AKIP1: variants seen among roughly 807,000 people sequenced by gnomAD.
AKIP1 encodes A-kinase-interacting protein 1.
Under a neutral mutation model 22.3 loss-of-function variants are expected in AKIP1, and 18 were observed. That is an observed-to-expected ratio of 0.81 (90% CI 0.56 to 1.19). The LOEUF (loss-of-function observed/expected upper bound fraction) is 1.19. Ranked by LOEUF, AKIP1 falls within the 50% of genes most tolerant of loss-of-function variation. The pLI is 0.00. For synonymous variants in AKIP1, 120 were observed against 102.7 expected, an observed-to-expected ratio of 1.17 and a Z score of -1.02; for missense variants, 287 against 264.6, an observed-to-expected ratio of 1.08 and a Z score of -0.59.
At chr11:8,918,050 T>C (rs887264889) in intron 5 of AKIP1, 5 of 152,240 alleles carry the variant, frequency 3.3e-5, no homozygotes, top group Admixed American at 2.0e-4. Context: ...CTGCTTCTAG[T>C]ACAAATATAA....
At chr11:8,914,101 T>C (rs1345630963) in intron 3 of AKIP1, among the ~76,000 whole-genome samples, 2 of 152,232 alleles carry the variant, frequency 1.3e-5, no homozygotes, top group Admixed American at 1.3e-4. Context: ...GTCTGTGTCC[T>C]CAAGTGCTTT....
rs1363962281 is a variant in AKIP1, at chr11:8,919,390, T to C, written c.543T>C (p.Ser181=). The change falls in exon 6 of 6, where the codon TCT becomes TCC. Residue 181 remains serine (S), a synonymous_variant. Coordinates refer to ENST00000309377, the MANE Select transcript of AKIP1 (RefSeq NM_020642.4). ...LYIEVYPGTY[S]VTVGSNDLTK... Reference sequence around the variant, plus strand: ...TAGAAGTATATCCAGGGACCTATTCTGTCACTGTGGGCTCAAATGACTTAA... The same window carrying C: ...TAGAAGTATATCCAGGGACCTATTCCGTCACTGTGGGCTCAAATGACTTAA... The C allele has an allele frequency of 6.2e-7, 1 of 1,613,970 alleles. No homozygotes were observed. The highest frequency in any genetic ancestry group is 1.1e-5 in the South Asian group (1 of 91,076).
In AKIP1 at chr11:8,914,760, T is replaced by C. The variant is rs144965150; in HGVS notation, c.304-66T>C. On this transcript the variant is annotated intron_variant, in intron 3 of 5. Coordinates refer to ENST00000309377, the MANE Select transcript of AKIP1 (RefSeq NM_020642.4). ...TCCTTAACTGCACTTTGCCCAAATA[T>C]CAGGGTTTTTTGAAAATTTGACAAG... 896 of 1,288,768 alleles carry C rather than the reference T, an allele frequency of 7.0e-4. 4 individuals carry two copies. The African/African-American group carries it at 0.011, about 16-fold the overall frequency. 79.8% of individuals were successfully genotyped at this position (1,288,768 alleles called of 1,614,324 possible).
intron 5 of AKIP1, among the ~76,000 whole-genome samples, chr11:8,918,292 G>A (rs747177809): frequency 3.3e-5 from 5 of 152,150 alleles, no homozygotes; most frequent in Admixed American, 6.5e-5. Context: ...ACACATTTAC[G>A]TCAGTTAAAG....
At chr11:8,912,868 TAAC>T (rs1170068076) in intron 3 of AKIP1, among the ~76,000 whole-genome samples, 1 of 115,344 alleles carries the variant, frequency 8.7e-6, no homozygotes, top group Non-Finnish European at 1.8e-5. Flanking sequence ...GGGTTTTTTT[TAAC>T]TTTTTTTTTT....
At position 8,912,122 on chromosome 11, in the gene AKIP1, G is replaced by A. The variant is rs2064378203; in HGVS notation, c.223-331G>A. On this transcript the variant is annotated intron_variant, in intron 2 of 5. Transcript: ENST00000309377. ...TGAGGCAGGAGAATCGCTTGAACCC[G>A]GGAGGCGGAGGTCGCGGTGAGCCGA... Among the ~76,000 whole-genome samples the A allele has an allele frequency of 2.0e-5, 3 of 150,360 alleles. No homozygotes were observed. In the South Asian group the frequency reaches 6.3e-4, roughly 32 times the overall value.
At chr11:8,918,638 C>T (rs2064524960) in intron 5 of AKIP1, among the ~76,000 whole-genome samples, 1 of 152,174 alleles carries the variant, frequency 6.6e-6, no homozygotes, top group Non-Finnish European at 1.5e-5. Flanking sequence ...TGAACTGAGA[C>T]CCATCCTCTG....
chr11:8,916,283 A>G (rs2064484871), intron 4 of AKIP1, among the ~76,000 whole-genome samples: 1 of 152,184 alleles, frequency 6.6e-6, no homozygotes, highest in African/African-American at 2.4e-5. Flanking sequence ...TTAAAAAGAA[A>G]GTACAAGGGA....
chr11:8,919,556 C>A lies in AKIP1; in HGVS notation c.*76C>A. On this transcript the variant is annotated 3_prime_UTR_variant, in exon 6 of 6. Transcript: ENST00000309377. ...AGCCACTGTATGATTCTCTTAATAG[C>A]TATACATTAATCCTGTTTTTAGTGC... 1 of 1,494,814 alleles carries A rather than the reference C, an allele frequency of 6.7e-7. No homozygotes were observed. The highest frequency in any genetic ancestry group is 9.1e-7 in the Non-Finnish European group (1 of 1,094,278). The allele number at this position is 1,494,814 out of a possible 1,614,324, so 92.6% of individuals were successfully genotyped here. A position where few individuals can be genotyped will look rare whatever the true frequency, so the allele number is the denominator to read the frequency against.
intron 5 of AKIP1, chr11:8,918,211 T>C (rs1382698527): frequency 6.6e-6 from 1 of 152,240 alleles, no homozygotes; most frequent in Admixed American, 6.5e-5. Flanking sequence ...AATTCTGATA[T>C]AACCATATTT....
chr11:8,912,060 G>A (rs898405293), intron 2 of AKIP1, among the ~76,000 whole-genome samples: 5 of 151,672 alleles, frequency 3.3e-5, no homozygotes, highest in African/African-American at 1.2e-4. Flanking sequence ...AGCCGGGCGT[G>A]GTGGCGCATG....
At chr11:8,913,979 C>A (rs1402353479) in intron 3 of AKIP1, among the ~76,000 whole-genome samples, 1 of 152,172 alleles carries the variant, frequency 6.6e-6, no homozygotes. Flanking sequence ...CAGTTCAAGT[C>A]TCTGTTATGA....
At position 8,911,482 on chromosome 11, in the gene AKIP1, TG is replaced by T. The variant is rs2064343860; in HGVS notation, c.37del (p.Val13TrpfsTer14). 4 of 1,605,580 alleles carry T rather than the reference TG, an allele frequency of 2.5e-6. No homozygotes were observed. Among genetic ancestry groups the T allele is most frequent in the East Asian group, 2.2e-5 (1 of 44,656 alleles). ...ACTGTTTGGCGGCCGCAGCGCTGAA[TG>T]GGGTGGACCGACGTTCCCTGCAGCG... ...DNCLAAAALN[G>X]VDRRSLQRSA... is the part of the protein sequence containing the mutation. On this transcript the variant is annotated frameshift_variant, in exon 2 of 6. Transcript: ENST00000309377. LOFTEE classifies it high-confidence loss of function.
At chr11:8,917,523 G>T (rs1443768402) in intron 5 of AKIP1, 156 bp downstream of exon 5, 4 of 655,464 alleles carry the variant, frequency 6.1e-6, no homozygotes, top group Non-Finnish European at 1.1e-5. Flanking sequence ...TTTTGGTTCA[G>T]TGTAAAATTA....
At chr11:8,912,835 A>T (rs1247471746) in intron 3 of AKIP1, among the ~76,000 whole-genome samples, 11 of 151,118 alleles carry the variant, frequency 7.3e-5, no homozygotes, top group Non-Finnish European at 1.3e-4. Context: ...GCCGAATTTC[A>T]TAGCAAATAA....
chr11:8,915,004 G>C, intron 4 of AKIP1, 74 bp downstream of exon 4: 2 of 1,184,012 alleles, frequency 1.7e-6, no homozygotes. Context: ...AAGAGCCCCT[G>C]CTAGACTTTG....
At position 8,911,460 on chromosome 11, in the gene AKIP1, GTT is replaced by G. The variant is rs1411653322; in HGVS notation, c.13_14del (p.Leu5GlyfsTer78). 2 of 1,597,390 alleles carry G rather than the reference GTT, an allele frequency of 1.3e-6. No individual in the cohort carries two copies. Among genetic ancestry groups the G allele is most frequent in the South Asian group, 2.3e-5 (2 of 87,948 alleles). On this transcript the variant is annotated frameshift_variant, in exon 2 of 6. Transcript: ENST00000309377. LOFTEE classifies it high-confidence loss of function. ...CCCACTCAGGGAGCCATGGACAACT[GTT>G]TGGCGGCCGCAGCGCTGAATGGGGT... is the stretch of plus-strand genomic sequence containing the variant.
chr11:8,916,122 T>G (rs1411200469), intron 4 of AKIP1, among the ~76,000 whole-genome samples: 1 of 151,918 alleles, frequency 6.6e-6, no homozygotes, highest in African/African-American at 2.4e-5. Context: ...GCCTGACCCA[T>G]TTTTGTATTT....
chr11:8,912,418 A>G, intron 2 of AKIP1, 35 bp from the exon 3 acceptor site: 2 of 1,544,398 alleles, frequency 1.3e-6, no homozygotes, highest in South Asian at 1.1e-5. Flanking sequence ...AGGGAATCCT[A>G]GAGCTAACCT....
Sources: allele counts gnomAD v4.1 joint callset (sites outside exome capture counted in the v4.1 genomes callset), GRCh38; gene constraint gnomAD v4.1.1; transcripts MANE v1.5; gene names NCBI Gene and HGNC (gene_info 2026-07-23, HGNC 2026-07-21).